Variants in HYAL1 observed in about 807,000 individuals in gnomAD.
HYAL1 encodes the protein hyaluronidase 1, also known as hyaluronidase-1.
A neutral mutation model predicts 28.8 loss-of-function variants in HYAL1; 21 were observed. That is an observed-to-expected ratio of 0.73 (90% CI 0.52 to 1.05). The LOEUF (loss-of-function observed/expected upper bound fraction) is 1.05, where lower values mean the gene tolerates loss of function less well. Ranked by LOEUF, HYAL1 falls within the 50% of genes least tolerant of loss-of-function variation. The pLI, the probability that HYAL1 is intolerant of heterozygous loss-of-function variation, is 0.00. For synonymous variants in HYAL1, 200 were observed against 230.1 expected (o/e 0.87, Z 1.18); for missense variants, 491 against 579.2 (o/e 0.85, Z 1.56).
chr3:50,311,558 A>G (rs1276759914), intron 1 of HYAL1, among the ~76,000 whole-genome samples: 66 of 79,484 alleles, frequency 8.3e-4, no homozygotes, highest in South Asian at 2.5e-3. Flanking sequence ...TGGGGCGGCT[A>G]GCCAGGCGGG....
Position 50,302,049 on chromosome 3 carries a change from A to G in HYAL1, c.900+8T>C. On this transcript the variant is annotated splice_region_variant and intron_variant, in intron 2 of 3. Transcript: ENST00000395144. This position sits in a 1 kb window ranked among gnomAD's most constrained non-coding sequence, Gnocchi z 5.0. ...GTTGACAAGGTGGGCAGGTTACAGA[A>G]GACTCACCAGGGGCAGAAAGTGGTT... The G allele has an allele frequency of 6.2e-7, 1 of 1,614,154 alleles. No homozygotes were observed. Among genetic ancestry groups the G allele is most frequent in the African/African-American group, 1.3e-5 (1 of 75,042 alleles).
intron 1 of HYAL1, among the ~76,000 whole-genome samples, chr3:50,311,368 C>T (rs1702447880): frequency 1.4e-5 from 2 of 139,396 alleles, no homozygotes; most frequent in African/African-American, 2.7e-5. Flanking sequence ...CAGAGGGGCT[C>T]CTCACTTCCC....
chr3:50,311,446 A>ACCC (rs587619272), intron 1 of HYAL1, among the ~76,000 whole-genome samples: 6 of 42,638 alleles, frequency 1.4e-4, no homozygotes, highest in African/African-American at 4.9e-4. Flanking sequence ...CGGGGGGCTG[A>ACCC]CCCCCCCCCA....
intron 1 of HYAL1, 61 bp from the exon 2 acceptor site, chr3:50,303,041 G>GCCCCCCAGCCCTGA: frequency 7.8e-7 from 1 of 1,284,346 alleles, no homozygotes. Context: ...CCACTGCTCA[G>GCCCCCCAGCCCTGA]GGCTGGGGGG....
upstream of HYAL1, chr3:50,304,238 A>G (rs1328172433): frequency 6.1e-5 from 8 of 131,196 alleles, no homozygotes; most frequent in African/African-American, 2.0e-4. Context: ...CTGTGCTACT[A>G]TACTCCAGCC....
intron 1 of HYAL1, among the ~76,000 whole-genome samples, chr3:50,311,543 C>T (rs1259423996): frequency 1.3e-4 from 18 of 137,712 alleles, no homozygotes; most frequent in Admixed American, 3.5e-4. Context: ...CCCTCACCTC[C>T]GGGATGGGGC....
chr3:50,301,997 G>C, intron 2 of HYAL1, 60 bp downstream of exon 2: 1 of 1,538,700 alleles, frequency 6.5e-7, no homozygotes, highest in Non-Finnish European at 9.0e-7. Flanking sequence ...AGTACCCCAA[G>C]GCTGGACCTA....
intron 2 of HYAL1, 149 bp downstream of exon 2, chr3:50,301,908 G>T: frequency 1.2e-6 from 1 of 818,666 alleles, no homozygotes; most frequent in Non-Finnish European, 2.1e-6. Context: ...CCAAGATCGT[G>T]CCACTGCACT....
At chr3:50,311,319 A>AC (rs1185670299) in intron 1 of HYAL1, among the ~76,000 whole-genome samples, 3,733 of 112,346 alleles carry the variant, frequency 0.033, 88 homozygotes, top group South Asian at 0.071. Flanking sequence ...CGGGGGGCTG[A>AC]CCCCCCCACC....
chr3:50,300,939 T>TGGGGGGGG, intron 3 of HYAL1, 49 bp downstream of exon 3: 41 of 959,262 alleles, frequency 4.3e-5, no homozygotes, highest in Non-Finnish European at 6.5e-5. Context: ...GTCAGCTTAA[T>TGGGGGGGG]GGCCCCACCC....
upstream of HYAL1, among the ~76,000 whole-genome samples, chr3:50,304,296 A>AATATATATATATATATAT (rs1175956843): frequency 6.6e-5 from 2 of 30,476 alleles, no homozygotes; most frequent in Admixed American, 6.4e-4. Context: ...AAAAAAAAAA[A>AATATATATATATATATAT]ATATATATAT....
chr3:50,304,795 A>T (rs1418432695), upstream of HYAL1, among the ~76,000 whole-genome samples: 1 of 152,092 alleles, frequency 6.6e-6, no homozygotes, highest in Non-Finnish European at 1.5e-5. Flanking sequence ...TTTAGTGACC[A>T]TCTGAGCCTC....
Position 50,300,381 on chromosome 3 carries a change from A to C in HYAL1, c.*102T>G. On this transcript the variant is annotated 3_prime_UTR_variant, in exon 4 of 4. Coordinates refer to ENST00000395144, the MANE Select transcript of HYAL1 (RefSeq NM_033159.4). Reference sequence around the variant, plus strand: ...GTGACAGTGGCTGAGTGTACTCTTTACTGTGACCATGACTTGTATGACTGT... The same window carrying C: ...GTGACAGTGGCTGAGTGTACTCTTTCCTGTGACCATGACTTGTATGACTGT... The C allele has an allele frequency of 8.5e-7, 1 of 1,180,404 alleles. No individual in the cohort carries two copies. Among genetic ancestry groups the C allele is most frequent in the Non-Finnish European group, 1.3e-6 (1 of 790,728 alleles). 73.1% of individuals were successfully genotyped at this position (1,180,404 alleles called of 1,614,324 possible).
At position 50,300,388 on chromosome 3, in the gene HYAL1, C is replaced by G; in HGVS notation, c.*95G>C. 1 of 1,252,114 alleles carries G rather than the reference C, an allele frequency of 8.0e-7. No individual in the cohort carries two copies. The highest frequency in any genetic ancestry group is 1.2e-6 in the Non-Finnish European group (1 of 854,368). The allele number at this position is 1,252,114 out of a possible 1,614,324, so 77.6% of individuals were successfully genotyped here. On this transcript the variant is annotated 3_prime_UTR_variant, in exon 4 of 4. Coordinates refer to ENST00000395144, the MANE Select transcript of HYAL1 (RefSeq NM_033159.4). ...TGGCTGAGTGTACTCTTTACTGTGA[C>G]CATGACTTGTATGACTGTGCATGTA... is the stretch of plus-strand genomic sequence containing the variant.
At chr3:50,304,326 T>A (rs1384482702), upstream of HYAL1, among the ~76,000 whole-genome samples, 17 of 97,526 alleles carry the variant, frequency 1.7e-4, no homozygotes, top group Non-Finnish European at 2.7e-4. Context: ...TATATATATA[T>A]ATATATATAT....
At chr3:50,311,997 G>C (rs1278931498) in intron 1 of HYAL1, among the ~76,000 whole-genome samples, 1 of 142,560 alleles carries the variant, frequency 7.0e-6, no homozygotes, top group Non-Finnish European at 1.6e-5. Context: ...TCTCCCGGAC[G>C]GGGCGGCTGG....
rs1185670299 is a variant in HYAL1 at position 50,311,319 on chromosome 3, A to ACC, written c.-310+943_-310+944dup. ...GGGCGGCTGGCCGGGCGGGGGGCTG[A>ACC]CCCCCCCACCTCCCTCCCGGACGGG... On this transcript the variant is annotated intron_variant, in intron 1 of 5. Coordinates refer to the HYAL1 transcript ENST00000320295. 7.3e-4 allele frequency among the ~76,000 whole-genome samples: 82 copies of ACC among 112,538 alleles called. 1 individual carries two copies. Among genetic ancestry groups the ACC allele is most frequent in the Non-Finnish European group, 7.0e-4 (37 of 52,546 alleles). The allele number at this position is 112,538 out of a possible 152,430, so 73.8% of individuals were successfully genotyped here.
At chr3:50,307,613 G>A (rs1307493181), upstream of HYAL1, among the ~76,000 whole-genome samples, 6 of 125,902 alleles carry the variant, frequency 4.8e-5, no homozygotes, top group Admixed American at 7.8e-5. Context: ...CCCGGGAGGC[G>A]GAGCTTGCAG....
intron 1 of HYAL1, among the ~76,000 whole-genome samples, chr3:50,310,758 T>C (rs1702429012): frequency 1.3e-5 from 2 of 150,738 alleles, no homozygotes; most frequent in African/African-American, 2.5e-5. Flanking sequence ...CCTTCCGCAG[T>C]GTTTGTGTCC....
Sources: allele counts gnomAD v4.1 joint callset (sites outside exome capture counted in the v4.1 genomes callset), GRCh38; gene constraint gnomAD v4.1.1; non-coding constraint Gnocchi (gnomAD v3.1); transcripts MANE v1.5; gene names NCBI Gene and HGNC (gene_info 2026-07-23, HGNC 2026-07-21).